Variants in GRM1 observed in about 807,000 individuals in gnomAD.
GRM1 encodes the protein glutamate metabotropic receptor 1, also known as metabotropic glutamate receptor 1.
Under a neutral mutation model 90.9 loss-of-function variants are expected in GRM1, and 33 were observed. The observed-to-expected ratio is 0.36, with a 90% CI of 0.28 to 0.49. The LOEUF is 0.49. GRM1 is among the 20% of genes least tolerant of loss of function. The probability of loss-of-function intolerance (pLI) is 0.99; values close to 1 mark genes in which losing one functional copy is unlikely to be tolerated. For missense variants in GRM1, 1,190 were observed against 1,534.3 expected (o/e 0.78, Z 3.75); for synonymous variants, 700 against 613.2 (o/e 1.14, Z -2.09).
chr6:146,070,883 C>T (rs778503466), intron 1 of GRM1, among the ~76,000 whole-genome samples: 11 of 152,054 alleles, frequency 7.2e-5, no homozygotes, highest in Non-Finnish European at 1.6e-4. Context: ...CTGTAATAAC[C>T]ATTAACACTT....
At chr6:146,422,573 A>T (rs1448079460) in intron 7 of GRM1, among the ~76,000 whole-genome samples, 1 of 152,220 alleles carries the variant, frequency 6.6e-6, no homozygotes, top group Non-Finnish European at 1.5e-5. Context: ...TGGATGAAAA[A>T]ATTGAGTCTG....
chr6:146,387,109 T>G (rs1429403178), intron 6 of GRM1, 93 bp downstream of exon 6: 1 of 1,205,048 alleles, frequency 8.3e-7, no homozygotes, highest in Non-Finnish European at 1.2e-6. Flanking sequence ...TCATGTCTTC[T>G]CAATGTTAAT....
At chr6:146,295,136 G>T (rs7769450) in intron 2 of GRM1, among the ~76,000 whole-genome samples, 1 of 151,806 alleles carries the variant, frequency 6.6e-6, no homozygotes, top group Non-Finnish European at 1.5e-5. Flanking sequence ...TTGATTGATT[G>T]TTTAGAATTG....
At chr6:146,090,718 C>T (rs756248440) in intron 1 of GRM1, among the ~76,000 whole-genome samples, 8 of 151,990 alleles carry the variant, frequency 5.3e-5, no homozygotes, top group Non-Finnish European at 7.4e-5. Context: ...CACACAGTGA[C>T]GATAAAAGCC....
intron 1 of GRM1, among the ~76,000 whole-genome samples, chr6:146,155,210 A>G (rs984282004): frequency 2.0e-5 from 3 of 152,224 alleles, no homozygotes; most frequent in African/African-American, 7.2e-5. Context: ...CATTTTGGGA[A>G]ACAGTGGGCC....
chr6:146,290,351 A>G (rs1474723046), intron 2 of GRM1, among the ~76,000 whole-genome samples: 4 of 152,228 alleles, frequency 2.6e-5, no homozygotes, highest in Non-Finnish European at 4.4e-5. Context: ...TTAACAACGT[A>G]AAAAACTGAC....
intron 7 of GRM1, among the ~76,000 whole-genome samples, chr6:146,428,805 A>C (rs1161379969): frequency 4.6e-5 from 7 of 152,346 alleles, no homozygotes; most frequent in African/African-American, 1.7e-4. Context: ...AGACCATTCA[A>C]ACTGTACTTG....
intron 1 of GRM1, among the ~76,000 whole-genome samples, chr6:146,039,838 T>A (rs1315935623): frequency 6.6e-6 from 1 of 151,914 alleles, no homozygotes; most frequent in East Asian, 1.9e-4. Context: ...AAGTCTAGAA[T>A]AAGCCGCAGG....
At chr6:146,190,959 A>C (rs1052639098) in intron 2 of GRM1, among the ~76,000 whole-genome samples, 1 of 152,166 alleles carries the variant, frequency 6.6e-6, no homozygotes, top group Non-Finnish European at 1.5e-5. Context: ...AATTGTATTC[A>C]TAGCTCCTTA....
chr6:146,214,694 A>T (rs909621743), intron 2 of GRM1, among the ~76,000 whole-genome samples: 4 of 152,200 alleles, frequency 2.6e-5, no homozygotes, highest in African/African-American at 9.6e-5. Flanking sequence ...CCAAAATGCT[A>T]CAAGAGAATA....
In GRM1 at chr6:146,167,924, T is replaced by C. The variant is rs1256156315; in HGVS notation, c.950+8327T>C. Among the ~76,000 whole-genome samples, 5 of 152,090 alleles carry C rather than the reference T, an allele frequency of 3.3e-5. No individual in the cohort carries two copies. The South Asian group carries it at 8.3e-4, about 25-fold the overall frequency. On this transcript the variant is annotated intron_variant, in intron 2 of 7. Coordinates refer to ENST00000282753, the MANE Select transcript of GRM1 (RefSeq NM_001278064.2). The stretch of plus-strand genomic sequence containing the variant: ...TATCAATTTCTTCTTTTATGGTTTA[T>C]ATTCTTTGTGTTCTATCAAAAATAT...
intron 2 of GRM1, among the ~76,000 whole-genome samples, chr6:146,187,898 G>A (rs1778793931): frequency 6.6e-6 from 1 of 152,140 alleles, no homozygotes; most frequent in East Asian, 1.9e-4. Context: ...AGCATCTCAT[G>A]AGGTCTAGTA....
intron 7 of GRM1, among the ~76,000 whole-genome samples, chr6:146,412,066 C>A (rs1777589709): frequency 6.6e-6 from 1 of 152,070 alleles, no homozygotes; most frequent in African/African-American, 2.4e-5. Context: ...ACCTTGTAAC[C>A]CTCCATCCCC....
chr6:146,163,071 C>T (rs1777794805), intron 2 of GRM1, among the ~76,000 whole-genome samples: 1 of 152,082 alleles, frequency 6.6e-6, no homozygotes, highest in Non-Finnish European at 1.5e-5. Flanking sequence ...TTAATTTGGG[C>T]TGATCAATTT....
intron 2 of GRM1, among the ~76,000 whole-genome samples, chr6:146,250,468 C>G (rs576698138): frequency 6.6e-6 from 1 of 152,314 alleles, no homozygotes; most frequent in East Asian, 1.9e-4. Flanking sequence ...TGCTTCCCCA[C>G]TAACCATCCT....
intron 1 of GRM1, among the ~76,000 whole-genome samples, chr6:146,117,376 A>G (rs530257798): frequency 1.7e-4 from 26 of 152,018 alleles, no homozygotes; most frequent in South Asian, 1.7e-3. Context: ...GTATTCATCC[A>G]GTGGATACAT....
chr6:146,384,261 T>C (rs1260097536), intron 5 of GRM1, among the ~76,000 whole-genome samples: 1 of 152,098 alleles, frequency 6.6e-6, no homozygotes, highest in Non-Finnish European at 1.5e-5. Context: ...CCGGCTGGAA[T>C]TTTGAGTCCG....
chr6:146,128,425 G>T (rs1362197987), intron 1 of GRM1, among the ~76,000 whole-genome samples: 1 of 152,096 alleles, frequency 6.6e-6, no homozygotes, highest in African/African-American at 2.4e-5. Flanking sequence ...GGTAGGTACT[G>T]CAATTATCAT....
rs181528957 is a variant in GRM1 at position 146,179,790 on chromosome 6, C to T, written c.950+20193C>T. ...TCGGCCTCCCAAAGTGCTGGGATTA[C>T]AGGCGTGAGCCACCCTGCCCAGCCC... On this transcript the variant is annotated intron_variant, in intron 2 of 7. Transcript: ENST00000282753. Among the ~76,000 whole-genome samples the T allele has an allele frequency of 1.2e-4, 19 of 152,084 alleles. No homozygotes were observed. In the East Asian group the frequency reaches 3.3e-3, roughly 26 times the overall value.
Sources: gnomAD v4.1 joint callset for allele counts (sites outside exome capture counted in the v4.1 genomes callset) on GRCh38, gnomAD v4.1.1 for gene constraint, MANE v1.5 for transcripts, NCBI Gene and HGNC (gene_info 2026-07-23, HGNC 2026-07-21) for gene names.